The following SLC25A15 variants were observed in gnomAD, a reference collection of about 807,000 sequenced individuals.
The protein encoded by SLC25A15 is mitochondrial ornithine transporter 1.
A neutral mutation model predicts 32.3 loss-of-function variants in SLC25A15; 24 were observed. That is an observed-to-expected ratio of 0.74 (90% CI 0.54 to 1.04). The LOEUF (loss-of-function observed/expected upper bound fraction) is 1.04. Among genes scored for constraint, SLC25A15 ranks in the 50% least tolerant of loss-of-function variants. The probability of loss-of-function intolerance (pLI) is 0.00; values close to 1 mark genes in which losing one functional copy is unlikely to be tolerated. For missense variants in SLC25A15, 317 were observed against 374.5 expected (o/e 0.85, Z 1.27); for synonymous variants, 132 against 142.1 (o/e 0.93, Z 0.51).
At position 40,808,350 on chromosome 13, in the gene SLC25A15, C is replaced by T. The variant is rs909789410; in HGVS notation, c.623-88C>T. On this transcript the variant is annotated intron_variant, in intron 5 of 6. Transcript: ENST00000338625. The stretch of plus-strand genomic sequence containing the variant: ...GCATTAGCATTTTTATTTTCATCTA[C>T]CTGCAGCCATTACTACATTGACCTC... 7.1e-5 allele frequency: 78 copies of T among 1,092,218 alleles called. No homozygotes were observed. In the Admixed American group the frequency reaches 1.3e-3, roughly 18 times the overall value. The allele number at this position is 1,092,218 out of a possible 1,614,324, so 67.7% of individuals were successfully genotyped here. A position where few individuals can be genotyped will look rare whatever the true frequency, so the allele number is the denominator to read the frequency against.
intron 2 of SLC25A15, 67 bp from the exon 3 acceptor site, chr13:40,798,990 G>A: frequency 1.2e-6 from 2 of 1,613,602 alleles, no homozygotes; most frequent in Middle Eastern, 1.7e-4. Context: ...TAGGCTGCCT[G>A]TGCCTTCCTT....
At chr13:40,791,420 C>T (rs1321271806) in intron 1 of SLC25A15, among the ~76,000 whole-genome samples, 1 of 150,562 alleles carries the variant, frequency 6.6e-6, no homozygotes, top group Non-Finnish European at 1.5e-5. Flanking sequence ...TCCAGTGGCA[C>T]AATCTCGGCT....
intron 3 of SLC25A15, chr13:40,802,000 G>C (rs1347070809): frequency 6.6e-6 from 1 of 152,224 alleles, no homozygotes; most frequent in African/African-American, 2.4e-5. Flanking sequence ...AATGTGCTTG[G>C]TGTTCATTCA....
rs1308206952 is a variant in SLC25A15, at chr13:40,809,756, T to C, written c.*89T>C. 6.9e-7 allele frequency: 1 copy of C among 1,457,254 alleles called. No homozygotes were observed. Among genetic ancestry groups the C allele is most frequent in the Non-Finnish European group, 9.6e-7 (1 of 1,046,118 alleles). 90.3% of individuals were successfully genotyped at this position (1,457,254 alleles called of 1,614,324 possible). On this transcript the variant is annotated 3_prime_UTR_variant, in exon 7 of 7. Coordinates refer to ENST00000338625, the MANE Select transcript of SLC25A15 (RefSeq NM_014252.4). The stretch of plus-strand genomic sequence containing the variant: ...TTGGAGTACAAGACCAGTGTGAAGT[T>C]ATTCTGATTTCTTGGGAATTTTGCT...
At chr13:40,803,496 A>G (rs1409921383) in intron 3 of SLC25A15, among the ~76,000 whole-genome samples, 1 of 152,180 alleles carries the variant, frequency 6.6e-6, no homozygotes, top group African/African-American at 2.4e-5. Flanking sequence ...GCCTCCCCAT[A>G]TTCTTGAACT....
At chr13:40,798,072 G>C (rs988186566) in intron 2 of SLC25A15, among the ~76,000 whole-genome samples, 1 of 152,136 alleles carries the variant, frequency 6.6e-6, no homozygotes, top group African/African-American at 2.4e-5. Context: ...TTGAGGCCAG[G>C]AGTTAGAGAC....
intron 3 of SLC25A15, among the ~76,000 whole-genome samples, chr13:40,802,976 G>A (rs563083275): frequency 3.3e-4 from 50 of 152,224 alleles, no homozygotes; most frequent in Middle Eastern, 3.4e-3. Flanking sequence ...GGGGTTTTTG[G>A]AAATCTCTGA....
At chr13:40,803,973 G>A (rs1374838700) in intron 3 of SLC25A15, among the ~76,000 whole-genome samples, 1 of 152,052 alleles carries the variant, frequency 6.6e-6, no homozygotes, top group East Asian at 1.9e-4. Flanking sequence ...CTTTCCTTTA[G>A]GTTTTTTTGT....
chr13:40,807,295 A>T lies in SLC25A15; in HGVS notation c.454A>T (p.Thr152Ser). The part of the protein sequence containing the change: ...TSGKIAKSQN[T>S]VWSVIKSILR... ...CTATCTCTCTGTGTCTCCTCCCAGTACAGTGTGGTCTGTCATCAAAAGTAT... is the reference window on the plus strand; with the variant it reads ...CTATCTCTCTGTGTCTCCTCCCAGTTCAGTGTGGTCTGTCATCAAAAGTAT... Residue 152 changes from threonine to serine, a missense_variant and splice_region_variant, in exon 5 of 7, where the codon ACA becomes TCA. Coordinates refer to ENST00000338625, the MANE Select transcript of SLC25A15 (RefSeq NM_014252.4). The T allele has an allele frequency of 6.2e-7, 1 of 1,614,010 alleles. No individual in the cohort carries two copies. The highest frequency in any genetic ancestry group is 1.1e-5 in the South Asian group (1 of 91,066).
intron 3 of SLC25A15, among the ~76,000 whole-genome samples, chr13:40,804,456 C>G (rs1422061003): frequency 6.6e-6 from 1 of 152,150 alleles, no homozygotes. Flanking sequence ...TGTCACTTCC[C>G]ATAGGGAACT....
chr13:40,791,065 T>C (rs775074630), intron 1 of SLC25A15, among the ~76,000 whole-genome samples: 1 of 151,976 alleles, frequency 6.6e-6, no homozygotes, highest in Admixed American at 6.6e-5. Context: ...CCTCTGTCTG[T>C]CTGCTCAGTT....
At chr13:40,807,690 C>T (rs974646029) in intron 5 of SLC25A15, among the ~76,000 whole-genome samples, 3 of 152,194 alleles carry the variant, frequency 2.0e-5, no homozygotes, top group South Asian at 2.1e-4. Flanking sequence ...CAGTACATCC[C>T]AAACTTTCTT....
rs1882430361 is a variant in SLC25A15, at chr13:40,811,114, T to G, written c.*1447T>G. Among the ~76,000 whole-genome samples the G allele has an allele frequency of 6.6e-6, 1 of 152,256 alleles. No homozygotes were observed. The highest frequency in any genetic ancestry group is 1.5e-5 in the Non-Finnish European group (1 of 68,038). On this transcript the variant is annotated 3_prime_UTR_variant, in exon 7 of 7. Transcript: ENST00000338625. ...GCCATGCTTTTACAGTGTTGGAGGC[T>G]TCTACATTTGGTACTTGCAGTCAGT...
rs201442495 is a variant in SLC25A15 at position 40,809,627 on chromosome 13, A to G, written c.866A>G (p.Tyr289Cys). The G allele has an allele frequency of 1.3e-5, 21 of 1,613,006 alleles. No homozygotes were observed. In the Middle Eastern group the frequency reaches 7.6e-4, roughly 58 times the overall value. Residue 289 changes from tyrosine to cysteine, a missense_variant, in exon 7 of 7, where the codon TAT (tyrosine) becomes TGT (cysteine). By Grantham distance (194) the Tyr-to-Cys change is radical (BLOSUM62 -2). Coordinates refer to ENST00000338625, the MANE Select transcript of SLC25A15 (RefSeq NM_014252.4). ...ANGALFLAYEYSRKLMMNQLE... is the reference protein window; with the variant it reads ...ANGALFLAYECSRKLMMNQLE... ...GGAGCACTCTTTTTGGCCTACGAAT[A>G]TAGCAGGAAGTTGATGATGAACCAG...
chr13:40,809,108 C>T (rs1231957395), intron 6 of SLC25A15, among the ~76,000 whole-genome samples: 1 of 152,132 alleles, frequency 6.6e-6, no homozygotes. Flanking sequence ...AGTACTTACA[C>T]CTCCCTTATC....
Position 40,799,199 on chromosome 13 carries a change from TAC to T in SLC25A15, c.199_200del (p.Thr67GlnfsTer10), listed in dbSNP as rs1348599886. The T allele has an allele frequency of 6.2e-7, 1 of 1,614,070 alleles. No individual in the cohort carries two copies. The highest frequency in any genetic ancestry group is 1.3e-5 in the African/African-American group (1 of 74,922). On this transcript the variant is annotated frameshift_variant, in exon 3 of 7. Coordinates refer to ENST00000338625, the MANE Select transcript of SLC25A15 (RefSeq NM_014252.4). LOFTEE classifies it high-confidence loss of function. Reference protein sequence around the residue: ...QVGFRGFYKGTSPALIANIAE... With the variant: ...QVGFRGFYKGXSPALIANIAE... The stretch of plus-strand genomic sequence containing the variant: ...TGGGCTTCCGTGGCTTCTACAAGGG[TAC>T]CAGTCCAGCACTAATCGCCAACATC...
chr13:40,803,672 G>T (rs1368920069), intron 3 of SLC25A15, among the ~76,000 whole-genome samples: 2 of 152,216 alleles, frequency 1.3e-5, no homozygotes, highest in African/African-American at 2.4e-5. Flanking sequence ...TTGCAGACTT[G>T]TACTGGCTTC....
In SLC25A15 at chr13:40,809,758, T is replaced by C. The variant is rs1882369787; in HGVS notation, c.*91T>C. On this transcript the variant is annotated 3_prime_UTR_variant, in exon 7 of 7. Transcript: ENST00000338625. ...GGAGTACAAGACCAGTGTGAAGTTATTCTGATTTCTTGGGAATTTTGCTTT... is the reference window on the plus strand; with the variant it reads ...GGAGTACAAGACCAGTGTGAAGTTACTCTGATTTCTTGGGAATTTTGCTTT... 2.1e-6 allele frequency: 3 copies of C among 1,449,330 alleles called. No homozygotes were observed. Among genetic ancestry groups the C allele is most frequent in the Non-Finnish European group, 2.9e-6 (3 of 1,039,740 alleles). The allele number at this position is 1,449,330 out of a possible 1,614,324, so 89.8% of individuals were successfully genotyped here.
chr13:40,799,307 A>C lies in SLC25A15; in HGVS notation c.306A>C (p.Ala102=). 6.2e-7 allele frequency: 1 copy of C among 1,614,168 alleles called. No individual in the cohort carries two copies. The highest frequency in any genetic ancestry group is 1.1e-5 in the South Asian group (1 of 91,088). ...VRKVAGLDKQ[A]KLSDLQNAAA... is the part of the protein sequence containing the mutation. Reference sequence around the variant, plus strand: ...AAGTGGCTGGATTGGACAAGCAGGCAAAGCTGAGGTGAGTCAAGGACACAC... The same window carrying C: ...AAGTGGCTGGATTGGACAAGCAGGCCAAGCTGAGGTGAGTCAAGGACACAC... The change falls in exon 3 of 7, where the codon GCA becomes GCC. Residue 102 remains alanine (A), a synonymous_variant. Coordinates refer to ENST00000338625, the MANE Select transcript of SLC25A15 (RefSeq NM_014252.4).
Sources: gnomAD v4.1 joint callset for allele counts (sites outside exome capture counted in the v4.1 genomes callset) on GRCh38, gnomAD v4.1.1 for gene constraint, MANE v1.5 for transcripts, NCBI Gene and HGNC (gene_info 2026-07-23, HGNC 2026-07-21) for gene names.